Variants in SLC38A1 observed in about 807,000 individuals in gnomAD.
The protein encoded by SLC38A1 is solute carrier family 38 member 1, also known as sodium-coupled neutral amino acid symporter 1.
SLC38A1 carries 18 observed loss-of-function variants against 60.3 expected under a neutral mutation model. The ratio of observed to expected loss-of-function variants is 0.30; its 90% CI spans 0.21 to 0.44. The LOEUF is 0.44. Among genes scored for constraint, SLC38A1 ranks in the 20% least tolerant of loss-of-function variants. The probability of loss-of-function intolerance (pLI) is 1.00; values close to 1 mark genes in which losing one functional copy is unlikely to be tolerated. For missense variants in SLC38A1, 448 were observed against 587.2 expected (o/e 0.76, Z 2.45); for synonymous variants, 196 against 212.1 (o/e 0.92, Z 0.66).
chr12:46,239,527 G>A, intron 3 of SLC38A1, 152 bp downstream of exon 3: 3 of 726,394 alleles, frequency 4.1e-6, no homozygotes, highest in South Asian at 3.4e-5. Context: ...GTTTCACCAT[G>A]TTGGTGGGTT....
In SLC38A1 at chr12:46,237,279, G is replaced by A. The variant is rs568174007; in HGVS notation, c.122+2400C>T. Among the ~76,000 whole-genome samples, 160 of 152,310 alleles carry A rather than the reference G, an allele frequency of 1.1e-3. 1 individual carries two copies. The highest frequency in any genetic ancestry group is 3.7e-3 in the African/African-American group (153 of 41,566). ...GAGAAAGCCGCAGGAAGAATGAGGG[G>A]TATTTAGGTGTAGTTTTTGCAGGAA... is the stretch of plus-strand genomic sequence containing the variant. On this transcript the variant is annotated intron_variant, in intron 3 of 16. Coordinates refer to ENST00000398637, the MANE Select transcript of SLC38A1 (RefSeq NM_030674.4).
chr12:46,209,216 T>A lies in SLC38A1; in HGVS notation c.315-89A>T, dbSNP rs984340055. 5.8e-6 allele frequency: 5 copies of A among 863,648 alleles called. No individual in the cohort carries two copies. In the Admixed American group the frequency reaches 1.0e-4, roughly 18 times the overall value. The allele number at this position is 863,648 out of a possible 1,614,324, so 53.5% of individuals were successfully genotyped here. A position where few individuals can be genotyped will look rare whatever the true frequency, so the allele number is the denominator to read the frequency against. ...TTAGAAGGGCAAAGGTTTATTTGTA[T>A]GGTTAACACTATTTGTTAATAGTAT... On this transcript the variant is annotated intron_variant, in intron 5 of 16. Coordinates refer to ENST00000398637, the MANE Select transcript of SLC38A1 (RefSeq NM_030674.4).
At chr12:46,209,720 A>G (rs1940065191) in intron 5 of SLC38A1, among the ~76,000 whole-genome samples, 1 of 152,022 alleles carries the variant, frequency 6.6e-6, no homozygotes, top group Non-Finnish European at 1.5e-5. Context: ...AATAAGCACC[A>G]CTTGGTAACC....
chr12:46,202,218 A>G (rs1262515684), intron 12 of SLC38A1, among the ~76,000 whole-genome samples: 1 of 151,714 alleles, frequency 6.6e-6, no homozygotes, highest in Non-Finnish European at 1.5e-5. Flanking sequence ...ATAAAGAAAA[A>G]TTGAGAAGTA....
Position 46,203,098 on chromosome 12 carries a change from G to C in SLC38A1, c.823-9C>G. 6.2e-7 allele frequency: 1 copy of C among 1,610,446 alleles called. No individual in the cohort carries two copies. Among genetic ancestry groups the C allele is most frequent in the Non-Finnish European group, 8.5e-7 (1 of 1,177,320 alleles). ...GGTAAAGCATACACGGTCTATTTGA[G>C]AGAAAAGAATAGACATTAGGAAAAA... On this transcript the variant is annotated splice_polypyrimidine_tract_variant and intron_variant, in intron 11 of 16. Coordinates refer to ENST00000398637, the MANE Select transcript of SLC38A1 (RefSeq NM_030674.4).
chr12:46,231,082 T>C (rs534689884), intron 3 of SLC38A1, among the ~76,000 whole-genome samples: 12 of 151,798 alleles, frequency 7.9e-5, no homozygotes, highest in South Asian at 6.3e-4. Flanking sequence ...ATAAAGAAAA[T>C]GTAGTGTAGA....
intron 5 of SLC38A1, among the ~76,000 whole-genome samples, chr12:46,211,482 C>T (rs1318826965): frequency 6.6e-6 from 1 of 152,240 alleles, no homozygotes; most frequent in Non-Finnish European, 1.5e-5. Context: ...AAGAAACATT[C>T]TAAGGAAACA....
intron 3 of SLC38A1, among the ~76,000 whole-genome samples, chr12:46,230,796 C>G (rs1212406844): frequency 6.6e-6 from 1 of 152,136 alleles, no homozygotes; most frequent in Non-Finnish European, 1.5e-5. Flanking sequence ...AAAACTCCAA[C>G]AGCAGATGTT....
chr12:46,252,573 GAATT>G (rs1482827949), intron 1 of SLC38A1, among the ~76,000 whole-genome samples: 1 of 151,456 alleles, frequency 6.6e-6, no homozygotes, highest in Non-Finnish European at 1.5e-5. Flanking sequence ...TTACATGAAT[GAATT>G]AATTAATATA....
rs1433056687 is a variant in SLC38A1, at chr12:46,187,870, T to C, written c.*1100A>G. On this transcript the variant is annotated 3_prime_UTR_variant, in exon 17 of 17. Coordinates refer to ENST00000398637, the MANE Select transcript of SLC38A1 (RefSeq NM_030674.4). ...GCTTATTTAAGGTACAAAATTCTTG[T>C]ATTTGTAATAACCTAGATTTATAGA... is the stretch of plus-strand genomic sequence containing the variant. 6.6e-6 allele frequency: 1 copy of C among 151,998 alleles called. No homozygotes were observed. The highest frequency in any genetic ancestry group is 1.5e-5 in the Non-Finnish European group (1 of 67,994). 9.4% of individuals were successfully genotyped at this position (151,998 alleles called of 1,614,324 possible).
chr12:46,212,358 A>G (rs938743171), intron 5 of SLC38A1, among the ~76,000 whole-genome samples: 1 of 152,246 alleles, frequency 6.6e-6, no homozygotes, highest in African/African-American at 2.4e-5. Context: ...AAGCTTCAAC[A>G]TTGTTAACCA....
At chr12:46,193,002 T>C (rs1325488479) in intron 16 of SLC38A1, among the ~76,000 whole-genome samples, 4 of 152,222 alleles carry the variant, frequency 2.6e-5, no homozygotes, top group African/African-American at 9.6e-5. Flanking sequence ...TTCGCTTCTC[T>C]AGTTCTTTTA....
chr12:46,266,333 TA>T (rs1395146453), intron 1 of SLC38A1, among the ~76,000 whole-genome samples: 1 of 152,130 alleles, frequency 6.6e-6, no homozygotes, highest in African/African-American at 2.4e-5. Context: ...TGAAGCATCA[TA>T]AAAAATATAC....
intron 1 of SLC38A1, among the ~76,000 whole-genome samples, chr12:46,250,769 G>C (rs536040870): frequency 3.3e-5 from 5 of 152,156 alleles, no homozygotes; most frequent in African/African-American, 1.2e-4. Context: ...AAAATACCTA[G>C]GAATCCAACT....
At chr12:46,210,518 C>T (rs1940112246) in intron 5 of SLC38A1, among the ~76,000 whole-genome samples, 1 of 152,086 alleles carries the variant, frequency 6.6e-6, no homozygotes. Context: ...CCCTAAAATC[C>T]TTGAGTGAGG....
rs138263542 is a variant in SLC38A1 at position 46,246,623 on chromosome 12, C to T, written c.-208-3309G>A. 3.9e-3 allele frequency among the ~76,000 whole-genome samples: 597 copies of T among 152,370 alleles called. 7 individuals carry two copies. The East Asian group carries it at 0.058, about 15-fold the overall frequency. ...CAGCAGAAACTTCTGCAGACTTAAA[C>T]GTACCTGTCTGACAGCTCTGAAGGG... On this transcript the variant is annotated intron_variant, in intron 1 of 16. Coordinates refer to ENST00000398637, the MANE Select transcript of SLC38A1 (RefSeq NM_030674.4).
intron 5 of SLC38A1, among the ~76,000 whole-genome samples, chr12:46,228,459 T>A (rs1444646577): frequency 6.6e-6 from 1 of 152,116 alleles, no homozygotes; most frequent in Non-Finnish European, 1.5e-5. Flanking sequence ...CTCGGAGAAG[T>A]GCTTTCTCCC....
chr12:46,217,808 G>T (rs1026893733), intron 5 of SLC38A1, among the ~76,000 whole-genome samples: 1 of 152,146 alleles, frequency 6.6e-6, no homozygotes, highest in Non-Finnish European at 1.5e-5. Context: ...GAATTAAACG[G>T]GTGGTTTTAA....
At chr12:46,209,724 G>A (rs939013656) in intron 5 of SLC38A1, among the ~76,000 whole-genome samples, 2 of 152,002 alleles carry the variant, frequency 1.3e-5, no homozygotes, top group South Asian at 2.1e-4. Flanking sequence ...AGCACCACTT[G>A]GTAACCAGTG....
Sources: gnomAD v4.1 joint callset for allele counts (sites outside exome capture counted in the v4.1 genomes callset) on GRCh38, gnomAD v4.1.1 for gene constraint, MANE v1.5 for transcripts, NCBI Gene and HGNC (gene_info 2026-07-23, HGNC 2026-07-21) for gene names.